SUSD6: variants seen among roughly 807,000 people sequenced by gnomAD.
SUSD6 encodes the protein sushi domain containing 6, also known as sushi domain-containing protein 6.
A neutral mutation model predicts 28.4 loss-of-function variants in SUSD6; 16 were observed. The observed-to-expected ratio is 0.56, with a 90% CI of 0.38 to 0.86. The LOEUF is 0.86. Ranked by LOEUF, SUSD6 falls within the 40% of genes least tolerant of loss-of-function variation. The probability of loss-of-function intolerance (pLI) is 0.00; values close to 1 mark genes in which losing one functional copy is unlikely to be tolerated. For synonymous variants in SUSD6, 147 were observed against 159.6 expected (o/e 0.92, Z 0.59); for missense variants, 341 against 384.2 (o/e 0.89, Z 0.94).
chr14:69,683,359 T>C (rs1270016081), intron 2 of SUSD6, among the ~76,000 whole-genome samples: 2 of 152,192 alleles, frequency 1.3e-5, no homozygotes, highest in Non-Finnish European at 2.9e-5. Flanking sequence ...TTCTGCCCTT[T>C]TGAGGAGCTC....
intron 2 of SUSD6, among the ~76,000 whole-genome samples, chr14:69,698,417 G>A (rs1184984517): frequency 6.6e-6 from 1 of 152,188 alleles, no homozygotes; most frequent in Non-Finnish European, 1.5e-5. Flanking sequence ...CTGCATGCAT[G>A]TCACACTGAT....
In SUSD6 at chr14:69,658,623, A is replaced by G. The variant is rs1235514046; in HGVS notation, c.31A>G (p.Thr11Ala). MCHGRIAPKS[T>A]SVFAVASVGH... Reference sequence around the variant, plus strand: ...CCATGGCAGGATAGCACCAAAGAGCACCTCAGTGTTTGCCGTGGCCTCCGT... The same window carrying G: ...CCATGGCAGGATAGCACCAAAGAGCGCCTCAGTGTTTGCCGTGGCCTCCGT... The change falls in exon 2 of 6, where the codon ACC becomes GCC. Residue 11 changes from threonine to alanine, a missense_variant. By Grantham distance (58) the Thr-to-Ala change is moderately conservative. Coordinates refer to ENST00000342745, the MANE Select transcript of SUSD6 (RefSeq NM_014734.4). The G allele has an allele frequency of 6.2e-7, 1 of 1,614,154 alleles. No homozygotes were observed. Among genetic ancestry groups the G allele is most frequent in the South Asian group, 1.1e-5 (1 of 91,086 alleles).
At chr14:69,620,729 AAC>A (rs1265293463) in intron 1 of SUSD6, among the ~76,000 whole-genome samples, 7 of 152,218 alleles carry the variant, frequency 4.6e-5, no homozygotes, top group African/African-American at 1.7e-4. Context: ...AGCTAGGTCT[AAC>A]AGTTTGGTGT....
Position 69,703,439 on chromosome 14 carries a change from C to T in SUSD6, c.166C>T (p.His56Tyr), listed in dbSNP as rs1212049077. ...PEPENGGYIC[H>Y]PRPCRDPLTA... The stretch of plus-strand genomic sequence containing the variant: ...GCCAGAGAATGGTGGCTACATCTGC[C>T]ACCCCCGGCCCTGCAGAGACCCCCT... Residue 56 changes from histidine (H) to tyrosine (Y), a missense_variant, in exon 3 of 6, where the codon CAC becomes TAC. Transcript: ENST00000342745. The T allele has an allele frequency of 6.2e-7, 1 of 1,614,036 alleles. No individual in the cohort carries two copies. The highest frequency in any genetic ancestry group is 8.5e-7 in the Non-Finnish European group (1 of 1,180,036).
At chr14:69,708,570 A>T in intron 4 of SUSD6, 107 bp from the exon 5 acceptor site, 1 of 906,444 alleles carries the variant, frequency 1.1e-6, no homozygotes, top group Non-Finnish European at 1.7e-6. Context: ...TTTGCCTGGC[A>T]CATAGTAAGT....
intron 1 of SUSD6, among the ~76,000 whole-genome samples, chr14:69,641,283 CTGTT>C (rs1355132724): frequency 1.3e-5 from 2 of 149,914 alleles, no homozygotes; most frequent in African/African-American, 5.1e-5. Context: ...CTTCTTGTAT[CTGTT>C]TGTGCATAAT....
chr14:69,624,316 G>A (rs1885083237), intron 1 of SUSD6, among the ~76,000 whole-genome samples: 1 of 152,192 alleles, frequency 6.6e-6, no homozygotes, highest in Non-Finnish European at 1.5e-5. Flanking sequence ...ACTCTGTGAT[G>A]TCCACACAAC....
chr14:69,615,123 G>A (rs571923715), intron 1 of SUSD6, among the ~76,000 whole-genome samples: 1 of 152,342 alleles, frequency 6.6e-6, no homozygotes, highest in East Asian at 1.9e-4. Context: ...AACTTTGAGA[G>A]CAAACATTGC....
intron 2 of SUSD6, among the ~76,000 whole-genome samples, chr14:69,673,974 G>T (rs1885870838): frequency 6.6e-6 from 1 of 152,176 alleles, no homozygotes; most frequent in Non-Finnish European, 1.5e-5. Flanking sequence ...CTGCTGGCTT[G>T]TTACTTGTTT....
At chr14:69,657,137 G>A (rs566184653) in intron 1 of SUSD6, among the ~76,000 whole-genome samples, 1 of 152,300 alleles carries the variant, frequency 6.6e-6, no homozygotes, top group East Asian at 1.9e-4. Flanking sequence ...GAGTAGGCCT[G>A]AGTCATGCTT....
At chr14:69,708,566 TG>T in intron 4 of SUSD6, 110 bp from the exon 5 acceptor site, 1 of 866,502 alleles carries the variant, frequency 1.2e-6, no homozygotes, top group Non-Finnish European at 1.8e-6. Flanking sequence ...GTGCTTTGCC[TG>T]GCACATAGTA....
At chr14:69,701,382 G>T (rs1398377256) in intron 2 of SUSD6, among the ~76,000 whole-genome samples, 1 of 152,080 alleles carries the variant, frequency 6.6e-6, no homozygotes, top group African/African-American at 2.4e-5. Flanking sequence ...TTGTGTGTGG[G>T]TCCTGCCTGC....
chr14:69,665,381 T>C (rs1373750026), intron 2 of SUSD6, among the ~76,000 whole-genome samples: 2 of 152,178 alleles, frequency 1.3e-5, no homozygotes, highest in African/African-American at 2.4e-5. Flanking sequence ...CCTGAGTAGC[T>C]GGGACTATAG....
intron 1 of SUSD6, among the ~76,000 whole-genome samples, chr14:69,656,841 G>A (rs1885590602): frequency 1.3e-5 from 2 of 152,198 alleles, no homozygotes; most frequent in South Asian, 2.1e-4. Context: ...CCACATAAAT[G>A]GGCACACATT....
intron 1 of SUSD6, among the ~76,000 whole-genome samples, chr14:69,631,203 T>G (rs981082958): frequency 1.3e-5 from 2 of 152,208 alleles, no homozygotes; most frequent in Non-Finnish European, 2.9e-5. Flanking sequence ...TTTCTGCTGC[T>G]TCTCAAGCCA....
intron 2 of SUSD6, among the ~76,000 whole-genome samples, chr14:69,696,939 A>G (rs886858950): frequency 1.3e-5 from 2 of 152,254 alleles, no homozygotes; most frequent in Admixed American, 6.5e-5. Context: ...TGGCTGCTGT[A>G]TAGACAGTAT....
At chr14:69,647,652 GAA>G (rs780426786) in intron 1 of SUSD6, among the ~76,000 whole-genome samples, 1 of 143,310 alleles carries the variant, frequency 7.0e-6, no homozygotes, top group Non-Finnish European at 1.5e-5. Flanking sequence ...CAACCCCCTG[GAA>G]AAAAAAAAAA....
chr14:69,642,659 T>A (rs1885370662), intron 1 of SUSD6, among the ~76,000 whole-genome samples: 1 of 123,888 alleles, frequency 8.1e-6, no homozygotes, highest in African/African-American at 3.0e-5. Context: ...CCCGCCCCCC[T>A]GCTGGGTCCC....
chr14:69,706,109 T>C (rs1311054317), intron 4 of SUSD6, among the ~76,000 whole-genome samples: 1 of 150,604 alleles, frequency 6.6e-6, no homozygotes, highest in Non-Finnish European at 1.5e-5. Context: ...TGATTTTCTT[T>C]CTTTTATTTT....
Sources: gnomAD v4.1 joint callset for allele counts (sites outside exome capture counted in the v4.1 genomes callset) on GRCh38, gnomAD v4.1.1 for gene constraint, MANE v1.5 for transcripts, NCBI Gene and HGNC (gene_info 2026-07-23, HGNC 2026-07-21) for gene names.